The following IGF2BP3 variants were observed in gnomAD, a reference collection of about 807,000 sequenced individuals.
IGF2BP3 encodes the protein insulin-like growth factor 2 mRNA-binding protein 3.
A neutral mutation model predicts 73.8 loss-of-function variants in IGF2BP3; 9 were observed. That is an observed-to-expected ratio of 0.12 (90% confidence interval 0.07 to 0.21). IGF2BP3 has a LOEUF of 0.21. Among genes scored for constraint, IGF2BP3 ranks in the 10% least tolerant of loss-of-function variants. IGF2BP3 has a pLI of 1.00. For synonymous variants in IGF2BP3, 258 were observed against 256.7 expected (o/e 1.01, Z -0.05); for missense variants, 542 against 714.0 (o/e 0.76, Z 2.75).
chr7:23,392,023 A>G lies in IGF2BP3; in HGVS notation c.285+26753T>C, dbSNP rs528748724. On this transcript the variant is annotated intron_variant, in intron 3 of 14. Coordinates refer to ENST00000258729, the MANE Select transcript of IGF2BP3 (RefSeq NM_006547.3). ...GCTCTTCTAGGATATTAATGACATA[A>G]AAGATAATGCACCCAGATTAAAACA... Among the ~76,000 whole-genome samples the G allele has an allele frequency of 2.9e-3, 443 of 152,334 alleles. 1 individual carries two copies. Among genetic ancestry groups the G allele is most frequent in the Admixed American group, 5.2e-3 (80 of 15,294 alleles).
chr7:23,465,384 G>C (rs1788542403), intron 2 of IGF2BP3, among the ~76,000 whole-genome samples: 1 of 152,240 alleles, frequency 6.6e-6, no homozygotes, highest in Admixed American at 6.5e-5. Flanking sequence ...TGTCTGTAAA[G>C]TAACTGCTAT....
rs1019815599 is a variant in IGF2BP3, at chr7:23,351,493, C to G, written c.495G>C (p.Leu165Phe). 7 of 1,614,072 alleles carry G rather than the reference C, an allele frequency of 4.3e-6. No homozygotes were observed. The highest frequency in any genetic ancestry group is 5.1e-6 in the Non-Finnish European group (6 of 1,180,012). ...GCCCCCGGCGACCTCGGGGCTGCTG[C>G]AAGGGGTTTTGCTGGGCGGCCATTT... ...PDEMAAQQNPLQQPRGRRGLG... is the reference protein window; with the variant it reads ...PDEMAAQQNPFQQPRGRRGLG... The change falls in exon 6 of 15, where the codon TTG (leucine) becomes TTC (phenylalanine). Residue 165 changes from leucine to phenylalanine, a missense_variant. Transcript: ENST00000258729.
At chr7:23,419,786 G>C (rs1379632290) in intron 2 of IGF2BP3, among the ~76,000 whole-genome samples, 3 of 152,220 alleles carry the variant, frequency 2.0e-5, no homozygotes, top group African/African-American at 7.2e-5. Flanking sequence ...CTGGGAGGCG[G>C]AGGTTGCGGT....
At chr7:23,409,654 A>C (rs1367950728) in intron 3 of IGF2BP3, among the ~76,000 whole-genome samples, 2 of 152,218 alleles carry the variant, frequency 1.3e-5, no homozygotes, top group East Asian at 1.9e-4. Context: ...CAATATTTTC[A>C]ATTTTTGGTG....
At chr7:23,359,750 C>G (rs1047707181) in intron 5 of IGF2BP3, among the ~76,000 whole-genome samples, 1 of 151,896 alleles carries the variant, frequency 6.6e-6, no homozygotes, top group African/African-American at 2.4e-5. Context: ...AAAATTAAAA[C>G]AATATGGAGC....
chr7:23,464,747 C>T (rs930775979), intron 2 of IGF2BP3, among the ~76,000 whole-genome samples: 1 of 151,202 alleles, frequency 6.6e-6, no homozygotes, highest in Non-Finnish European at 1.5e-5. Flanking sequence ...AAATCCTACC[C>T]TGAAAGGAAG....
intron 3 of IGF2BP3, among the ~76,000 whole-genome samples, chr7:23,416,988 G>A (rs181481546): frequency 1.4e-3 from 211 of 152,206 alleles, no homozygotes; most frequent in Middle Eastern, 0.01. Context: ...CCTGGGAGGC[G>A]GAGGTTGCAG....
At chr7:23,379,597 G>A (rs1484200796) in intron 3 of IGF2BP3, among the ~76,000 whole-genome samples, 1 of 152,178 alleles carries the variant, frequency 6.6e-6, no homozygotes, top group Non-Finnish European at 1.5e-5. Context: ...TTCAGTTAAT[G>A]GCAAATCTTT....
intron 13 of IGF2BP3, 43 bp from the exon 14 acceptor site, chr7:23,312,891 A>G (rs1783871060): frequency 7.4e-7 from 1 of 1,348,110 alleles, no homozygotes; most frequent in South Asian, 1.2e-5. Context: ...GCAGTTTTAA[A>G]ACCTTACTTC....
chr7:23,336,421 G>A (rs1042673175), intron 10 of IGF2BP3, among the ~76,000 whole-genome samples: 15 of 151,624 alleles, frequency 9.9e-5, no homozygotes, highest in African/African-American at 1.7e-4. Context: ...CAAAATGCCC[G>A]TCCATCTTTA....
intron 3 of IGF2BP3, among the ~76,000 whole-genome samples, chr7:23,385,947 T>G (rs1425393582): frequency 6.6e-6 from 1 of 152,192 alleles, no homozygotes; most frequent in Non-Finnish European, 1.5e-5. Context: ...TTATGAGAAT[T>G]TTTTATATGT....
chr7:23,439,654 A>G (rs576671687), intron 2 of IGF2BP3, among the ~76,000 whole-genome samples: 4 of 152,242 alleles, frequency 2.6e-5, no homozygotes, highest in African/African-American at 9.6e-5. Flanking sequence ...TACACAACAC[A>G]CACTACCCCT....
At position 23,347,865 on chromosome 7, in the gene IGF2BP3, A is replaced by G. The variant is rs1489103608; in HGVS notation, c.684-131T>C. ...GATGACTCACTTCCCTCAAGAGCATAAACTTTCAATAAGCTGTCAACATTA... is the reference window on the plus strand; with the variant it reads ...GATGACTCACTTCCCTCAAGAGCATGAACTTTCAATAAGCTGTCAACATTA... On this transcript the variant is annotated intron_variant, in intron 6 of 14. Transcript: ENST00000258729. The G allele has an allele frequency of 5.0e-6, 5 of 1,004,666 alleles. No individual in the cohort carries two copies. The African/African-American group carries it at 8.2e-5, about 16-fold the overall frequency. The allele number at this position is 1,004,666 out of a possible 1,614,324, so 62.2% of individuals were successfully genotyped here.
chr7:23,396,271 A>G (rs1432365264), intron 3 of IGF2BP3, among the ~76,000 whole-genome samples: 1 of 152,036 alleles, frequency 6.6e-6, no homozygotes, highest in Non-Finnish European at 1.5e-5. Flanking sequence ...GGGGGCAGGG[A>G]GGGGTGCACA....
At position 23,453,633 on chromosome 7, in the gene IGF2BP3, T is replaced by C. The variant is rs553947968; in HGVS notation, c.236+14849A>G. 3.5e-4 allele frequency among the ~76,000 whole-genome samples: 54 copies of C among 152,338 alleles called. No homozygotes were observed. The South Asian group carries it at 0.01, about 29-fold the overall frequency. On this transcript the variant is annotated intron_variant, in intron 2 of 14. Coordinates refer to ENST00000258729, the MANE Select transcript of IGF2BP3 (RefSeq NM_006547.3). ...TTCCATAACACTTAGTTGAAAGGTA[T>C]TCTCATTTTAAGTTCTAATAGATAC... is the stretch of plus-strand genomic sequence containing the variant.
intron 3 of IGF2BP3, among the ~76,000 whole-genome samples, chr7:23,407,812 A>T (rs1427544605): frequency 6.6e-6 from 1 of 152,032 alleles, no homozygotes; most frequent in African/African-American, 2.4e-5. Context: ...ACAGACCAAT[A>T]TCCTTCATGA....
chr7:23,356,394 CAA>C (rs1177814290), intron 5 of IGF2BP3, among the ~76,000 whole-genome samples: 2 of 135,924 alleles, frequency 1.5e-5, no homozygotes, highest in Non-Finnish European at 1.6e-5. Flanking sequence ...CCTGCCTCTA[CAA>C]AAAAAAAAAA....
intron 3 of IGF2BP3, among the ~76,000 whole-genome samples, chr7:23,417,049 T>A (rs1787209929): frequency 6.6e-6 from 1 of 151,912 alleles, no homozygotes; most frequent in African/African-American, 2.4e-5. Flanking sequence ...AGAGCGAAAC[T>A]CCATCTCAAA....
intron 10 of IGF2BP3, among the ~76,000 whole-genome samples, chr7:23,335,192 C>A (rs1296311336): frequency 6.8e-6 from 1 of 147,844 alleles, no homozygotes; most frequent in African/African-American, 2.5e-5. Context: ...TGTTTACCAA[C>A]AAAAGAGTTG....
Sources: allele counts gnomAD v4.1 joint callset (sites outside exome capture counted in the v4.1 genomes callset), GRCh38; gene constraint gnomAD v4.1.1; transcripts MANE v1.5; gene names NCBI Gene and HGNC (gene_info 2026-07-23, HGNC 2026-07-21).